Variants in CACNA1C observed in about 807,000 individuals in gnomAD.
CACNA1C encodes voltage-dependent L-type calcium channel subunit alpha-1C.
In CACNA1C, 30 loss-of-function variants were observed where a neutral mutation model predicts 229.0. That is an observed-to-expected ratio of 0.13 (90% CI 0.10 to 0.18). CACNA1C has a LOEUF of 0.18. Ranked by LOEUF, CACNA1C falls within the 10% of genes least tolerant of loss-of-function variation. The pLI, the probability that CACNA1C is intolerant of heterozygous loss-of-function variation, is 1.00. For missense variants in CACNA1C, 1,658 were observed against 2,845.0 expected, an observed-to-expected ratio of 0.58 and a Z score of 9.49; for synonymous variants, 1,114 against 1,132.5, an observed-to-expected ratio of 0.98 and a Z score of 0.33.
intron 3 of CACNA1C, among the ~76,000 whole-genome samples, chr12:2,262,841 C>A (rs2080856142): frequency 6.6e-6 from 1 of 152,196 alleles, no homozygotes; most frequent in Non-Finnish European, 1.5e-5. Context: ...GCAGAAGCTA[C>A]TATTCAGTCA....
At chr12:2,044,787 A>T (rs560557816) in intron 1 of CACNA1C, among the ~76,000 whole-genome samples, 2 of 152,310 alleles carry the variant, frequency 1.3e-5, no homozygotes, top group East Asian at 3.9e-4. Context: ...TGTCATATCA[A>T]GGAAAGGGTT....
At position 2,647,202 on chromosome 12, in the gene CACNA1C, C is replaced by T. The variant is rs573415015; in HGVS notation, c.3913-1273C>T. Among the ~76,000 whole-genome samples the T allele has an allele frequency of 2.0e-5, 3 of 152,200 alleles. No homozygotes were observed. Among genetic ancestry groups the T allele is most frequent in the South Asian group, 2.1e-4 (1 of 4,830 alleles). On this transcript the variant is annotated intron_variant, in intron 30 of 46. Transcript: ENST00000399655. This position sits in a 1 kb window ranked among gnomAD's most constrained non-coding sequence, Gnocchi z 4.2. ...CTTAAAAACAGAAATACAAGAGCAA[C>T]CATCTGAAAGTGGAGAGTAAAAGCC...
intron 3 of CACNA1C, among the ~76,000 whole-genome samples, chr12:2,201,856 T>G (rs546992128): frequency 1.8e-3 from 272 of 152,306 alleles, no homozygotes; most frequent in African/African-American, 6.4e-3. Flanking sequence ...AAGATGGGAT[T>G]GGCTTGGGTG....
At chr12:2,438,413 G>A (rs1791284059) in intron 3 of CACNA1C, among the ~76,000 whole-genome samples, 1 of 151,756 alleles carries the variant, frequency 6.6e-6, no homozygotes, top group Non-Finnish European at 1.5e-5. Context: ...GGTGGTGATG[G>A]CGGAAGGAGG....
chr12:2,582,153 A>T (rs925583453), intron 14 of CACNA1C, among the ~76,000 whole-genome samples: 4 of 152,072 alleles, frequency 2.6e-5, no homozygotes, highest in Non-Finnish European at 5.9e-5. Context: ...AAAAAAAAAA[A>T]AATCGTTCTT....
chr12:2,196,020 G>A (rs1432915073), intron 3 of CACNA1C, among the ~76,000 whole-genome samples: 1 of 152,246 alleles, frequency 6.6e-6, no homozygotes, highest in Non-Finnish European at 1.5e-5. Context: ...TCCCTGCTAA[G>A]TAGATCTTAG....
At chr12:2,153,494 T>C (rs1208951198) in intron 3 of CACNA1C, among the ~76,000 whole-genome samples, 1 of 152,136 alleles carries the variant, frequency 6.6e-6, no homozygotes, top group Non-Finnish European at 1.5e-5. Flanking sequence ...CCCCAGCCCC[T>C]GGCACCCACC....
chr12:2,644,567 A>G (rs551062373), intron 30 of CACNA1C, among the ~76,000 whole-genome samples: 49 of 152,264 alleles, frequency 3.2e-4, no homozygotes, highest in South Asian at 1.4e-3. Flanking sequence ...GCAACCAGGA[A>G]ACACATCCTG....
At chr12:2,138,920 A>C (rs973838516) in intron 3 of CACNA1C, among the ~76,000 whole-genome samples, 1 of 150,338 alleles carries the variant, frequency 6.7e-6, no homozygotes, top group African/African-American at 2.4e-5. Context: ...CTCCTCCATG[A>C]CTGGCTTTGG....
rs374843203 is a variant in CACNA1C at position 2,691,121 on chromosome 12, C to T, written c.6339C>T (p.Asp2113=). ...AGQDRAGGEE[D]AGCVRARGRP... ...AGGACCGAGCCGGGGGCGAAGAGGA[C>T]GCGGGCTGTGTGCGCGCGCGGGGTC... The change falls in exon 47 of 47, where the codon GAC becomes GAT. Residue 2113 remains aspartate (D), a synonymous_variant. Coordinates refer to ENST00000399655, the MANE Select transcript of CACNA1C (RefSeq NM_000719.7). 190 of 1,609,776 alleles carry T rather than the reference C, an allele frequency of 1.2e-4. No homozygotes were observed. Among genetic ancestry groups the T allele is most frequent in the Non-Finnish European group, 1.4e-4 (159 of 1,177,192 alleles).
At chr12:2,036,318 G>T (rs918926127) in intron 1 of CACNA1C, among the ~76,000 whole-genome samples, 1 of 152,222 alleles carries the variant, frequency 6.6e-6, no homozygotes, top group African/African-American at 2.4e-5. Flanking sequence ...CCTTCCAGAA[G>T]TCACTTCAGG....
chr12:2,426,221 G>A (rs1277451455), intron 3 of CACNA1C, among the ~76,000 whole-genome samples: 1 of 152,170 alleles, frequency 6.6e-6, no homozygotes, highest in Admixed American at 6.5e-5. Context: ...AAACTGGGGG[G>A]TCTAAATATG....
At chr12:2,516,656 C>G (rs1034686581) in intron 9 of CACNA1C, among the ~76,000 whole-genome samples, 2 of 152,090 alleles carry the variant, frequency 1.3e-5, no homozygotes, top group Non-Finnish European at 2.9e-5. Context: ...GGCAATTGTC[C>G]TAAACGATGG....
intron 3 of CACNA1C, among the ~76,000 whole-genome samples, chr12:2,304,675 G>A (rs1286166533): frequency 1.3e-5 from 2 of 152,282 alleles, no homozygotes; most frequent in East Asian, 3.9e-4. Flanking sequence ...TTCCCAGGAG[G>A]CTCTGGGCAC....
At chr12:2,106,026 C>G (rs2078331952) in intron 1 of CACNA1C, among the ~76,000 whole-genome samples, 1 of 39,542 alleles carries the variant, frequency 2.5e-5, no homozygotes, top group African/African-American at 7.3e-5. Flanking sequence ...GTTTCCACCT[C>G]AGCTGGGGCG....
intron 9 of CACNA1C, among the ~76,000 whole-genome samples, chr12:2,521,762 G>A (rs569032118): frequency 1.4e-4 from 21 of 152,060 alleles, no homozygotes; most frequent in Admixed American, 6.5e-4. Flanking sequence ...ACCTCTCTCC[G>A]CCTGGACTCG....
At chr12:2,494,114 T>G (rs1285590194) in intron 7 of CACNA1C, among the ~76,000 whole-genome samples, 4 of 152,182 alleles carry the variant, frequency 2.6e-5, no homozygotes, top group African/African-American at 9.7e-5. Context: ...GTTGCACCCA[T>G]CCACCCGTCA....
chr12:2,623,970 A>G (rs2084848573), intron 29 of CACNA1C, among the ~76,000 whole-genome samples: 1 of 152,200 alleles, frequency 6.6e-6, no homozygotes, highest in East Asian at 1.9e-4. Flanking sequence ...ACTTAGCAGC[A>G]TGGCCACCCA....
Position 1,982,232 on chromosome 12 carries a change from A to G in CACNA1C, c.139+11031A>G, listed in dbSNP as rs182761466. The stretch of plus-strand genomic sequence containing the variant: ...CTTTTTTATTGTGTTAAAATATTAA[A>G]AACATTAAATTTACAGTTTAAAATA... On this transcript the variant is annotated intron_variant, in intron 1 of 46. Coordinates refer to the CACNA1C transcript ENST00000682462. Among the ~76,000 whole-genome samples, 99 of 152,302 alleles carry G rather than the reference A, an allele frequency of 6.5e-4. No homozygotes were observed. In the East Asian group the frequency reaches 0.013, roughly 20 times the overall value.
Sources: gnomAD v4.1 joint callset for allele counts (sites outside exome capture counted in the v4.1 genomes callset) on GRCh38, gnomAD v4.1.1 for gene constraint, Gnocchi (gnomAD v3.1) non-coding constraint, MANE v1.5 for transcripts, NCBI Gene and HGNC (gene_info 2026-07-23, HGNC 2026-07-21) for gene names.